Variants in HMGXB3 observed in about 807,000 individuals in gnomAD.
HMGXB3 encodes HMG-box containing 3, also known as HMG domain-containing protein 3.
A neutral mutation model predicts 121.5 loss-of-function variants in HMGXB3; 45 were observed. The ratio of observed to expected loss-of-function variants is 0.37; its 90% CI spans 0.29 to 0.47. HMGXB3 has a LOEUF of 0.47. Among genes scored for constraint, HMGXB3 ranks in the 20% least tolerant of loss-of-function variants. The probability of loss-of-function intolerance (pLI) is 0.99; values close to 1 mark genes in which losing one functional copy is unlikely to be tolerated. For missense variants in HMGXB3, 1,376 were observed against 1,602.2 expected (o/e 0.86, Z 2.41); for synonymous variants, 590 against 624.1 (o/e 0.95, Z 0.81).
intron 6 of HMGXB3, among the ~76,000 whole-genome samples, chr5:150,019,949 A>G (rs1561860760): frequency 6.6e-6 from 1 of 152,164 alleles, no homozygotes; most frequent in South Asian, 2.1e-4. Context: ...TAAGAACACA[A>G]TTCTGGAGTT....
chr5:150,009,971 G>T, intron 3 of HMGXB3, 140 bp from the exon 4 acceptor site: 1 of 894,060 alleles, frequency 1.1e-6, no homozygotes, highest in Non-Finnish European at 1.7e-6. Context: ...TCTGAATTAG[G>T]TCAAGAGAGT....
rs868155928 is a variant in HMGXB3, at chr5:150,037,050, T to C, written c.2285+113T>C. 4.9e-5 allele frequency: 48 copies of C among 973,640 alleles called. No homozygotes were observed. In the African/African-American group the frequency reaches 7.6e-4, roughly 15 times the overall value. 60.3% of individuals were successfully genotyped at this position (973,640 alleles called of 1,614,324 possible). A position where few individuals can be genotyped will look rare whatever the true frequency, so the allele number is the denominator to read the frequency against. On this transcript the variant is annotated intron_variant, in intron 12 of 19. Coordinates refer to ENST00000502717, the MANE Select transcript of HMGXB3 (RefSeq NM_014983.3). The stretch of plus-strand genomic sequence containing the variant: ...GTGAAGATGTTATTCTCTGCCGTTT[T>C]TAGGCTTCCTTTAACTTTCTGATTG...
intron 5 of HMGXB3, among the ~76,000 whole-genome samples, chr5:150,012,815 G>A (rs1581248723): frequency 6.6e-6 from 1 of 152,262 alleles, no homozygotes; most frequent in Middle Eastern, 3.4e-3. Context: ...TTTCAGCATC[G>A]GGGCTGAGAT....
rs1303337156 is a variant in HMGXB3 at position 150,030,867 on chromosome 5, T to C, written c.1833+28T>C. 4.6e-6 allele frequency: 7 copies of C among 1,508,308 alleles called. No homozygotes were observed. In the East Asian group the frequency reaches 1.7e-4, roughly 37 times the overall value. The allele number at this position is 1,508,308 out of a possible 1,614,324, so 93.4% of individuals were successfully genotyped here. ...AAGTATGCAGCTAGGTGGTGGTGGGTTGACATGGAGGTTGTTTTGATTTTG... is the reference window on the plus strand; with the variant it reads ...AAGTATGCAGCTAGGTGGTGGTGGGCTGACATGGAGGTTGTTTTGATTTTG... On this transcript the variant is annotated intron_variant, in intron 10 of 19. Transcript: ENST00000502717.
chr5:150,048,686 G>A lies in HMGXB3; in HGVS notation c.3201+1G>A. 2 of 1,534,974 alleles carry A rather than the reference G, an allele frequency of 1.3e-6. No homozygotes were observed. Among genetic ancestry groups the A allele is most frequent in the South Asian group, 1.2e-5 (1 of 83,718 alleles). ...AATCTACAAGGTGTGCCCCCATCAG[G>A]TAAGAAAATAACTAGGGGGAGCTTG... On this transcript the variant is annotated splice_donor_variant, in intron 18 of 19. Coordinates refer to ENST00000502717, the MANE Select transcript of HMGXB3 (RefSeq NM_014983.3). LOFTEE classifies it high-confidence loss of function.
intron 9 of HMGXB3, 31 bp from the exon 10 acceptor site, chr5:150,030,710 A>C: frequency 6.6e-7 from 1 of 1,510,700 alleles, no homozygotes; most frequent in Non-Finnish European, 9.0e-7. Context: ...CTAAGGTTCA[A>C]AAGCACTAAA....
chr5:150,042,793 A>G (rs978823966), intron 15 of HMGXB3, among the ~76,000 whole-genome samples: 1 of 152,254 alleles, frequency 6.6e-6, no homozygotes, highest in Non-Finnish European at 1.5e-5. Flanking sequence ...CAATAATAAC[A>G]TCAAACTCAG....
intron 3 of HMGXB3, among the ~76,000 whole-genome samples, chr5:150,009,473 C>G (rs192509045): frequency 6.6e-6 from 1 of 152,164 alleles, no homozygotes; most frequent in Non-Finnish European, 1.5e-5. Context: ...ATAACCCCTT[C>G]TATATATACT....
At chr5:150,013,244 T>G (rs2113730402) in intron 5 of HMGXB3, among the ~76,000 whole-genome samples, 1 of 152,352 alleles carries the variant, frequency 6.6e-6, no homozygotes, top group South Asian at 2.1e-4. Context: ...TTATCATGTT[T>G]AGGTAGTTCC....
In HMGXB3 at chr5:150,018,647, C is replaced by T. The variant is rs1220813036; in HGVS notation, c.991C>T (p.Pro331Ser). 2 of 1,551,062 alleles carry T rather than the reference C, an allele frequency of 1.3e-6. No homozygotes were observed. Among genetic ancestry groups the T allele is most frequent in the African/African-American group, 1.4e-5 (1 of 73,036 alleles). Residue 331 changes from proline (P) to serine (S), a missense_variant, in exon 6 of 20, where the codon CCT becomes TCT. Physicochemically the swap from Pro to Ser is moderately conservative, Grantham distance 74. Around this residue, in one of 2 missense-constraint regions of HMGXB3, gnomAD observed 1,116 missense variants for 1,369.0 expected, o/e 0.82. Coordinates refer to ENST00000502717, the MANE Select transcript of HMGXB3 (RefSeq NM_014983.3). ...TACATATGTCACCAGGCACAAGCCA[C>T]CTAAGTGCCCTACCTGTGGTAACTT... ...SFTYVTRHKP[P>S]KCPTCGNFLG...
At chr5:150,029,994 T>C (rs537045317) in intron 9 of HMGXB3, among the ~76,000 whole-genome samples, 32 of 152,330 alleles carry the variant, frequency 2.1e-4, no homozygotes, top group African/African-American at 7.5e-4. Context: ...ATAGTTTCCT[T>C]TTGATTGGTG....
chr5:150,032,711 C>A, intron 11 of HMGXB3, 108 bp downstream of exon 11: 1 of 1,297,612 alleles, frequency 7.7e-7, no homozygotes, highest in African/African-American at 1.5e-5. Flanking sequence ...GTAGTTAGAG[C>A]ATCCAAACTG....
At chr5:150,032,248 G>T (rs567168011) in intron 10 of HMGXB3, among the ~76,000 whole-genome samples, 2 of 152,342 alleles carry the variant, frequency 1.3e-5, no homozygotes, top group East Asian at 3.9e-4. Flanking sequence ...GGAAGGACTG[G>T]ACTGGATTTG....
chr5:150,006,671 A>G lies in HMGXB3; in HGVS notation c.312+24A>G, dbSNP rs761759019. 69 of 1,547,750 alleles carry G rather than the reference A, an allele frequency of 4.5e-5. No individual in the cohort carries two copies. The African/African-American group carries it at 5.2e-4, about 12-fold the overall frequency. On this transcript the variant is annotated intron_variant, in intron 3 of 19. Coordinates refer to ENST00000502717, the MANE Select transcript of HMGXB3 (RefSeq NM_014983.3). ...CTGTAAGTAATTTTTTTTTCCAGCT[A>G]TTTTTTCCACTGGTTCAGTGATGAA...
chr5:150,018,770 G>T, intron 6 of HMGXB3, 73 bp downstream of exon 6: 1 of 1,391,034 alleles, frequency 7.2e-7, no homozygotes, highest in East Asian at 2.6e-5. Context: ...AGGAACAGGT[G>T]ATTTTTAAAA....
At chr5:150,048,126 G>A (rs904734107) in intron 17 of HMGXB3, among the ~76,000 whole-genome samples, 1 of 152,242 alleles carries the variant, frequency 6.6e-6, no homozygotes. Flanking sequence ...TTTACACAGT[G>A]TCTGGTTACT....
intron 5 of HMGXB3, among the ~76,000 whole-genome samples, chr5:150,016,068 G>A (rs930377644): frequency 2.6e-5 from 4 of 152,108 alleles, no homozygotes; most frequent in Admixed American, 2.6e-4. Context: ...CATCTGGCCG[G>A]GCACGGTGAT....
intron 13 of HMGXB3, among the ~76,000 whole-genome samples, chr5:150,039,853 A>T (rs1252069080): frequency 6.6e-6 from 1 of 152,226 alleles, no homozygotes; most frequent in Non-Finnish European, 1.5e-5. Context: ...CTTCACTGGG[A>T]ACACATACTC....
chr5:150,037,908 T>C (rs1408695129), intron 13 of HMGXB3, among the ~76,000 whole-genome samples: 1 of 152,276 alleles, frequency 6.6e-6, no homozygotes, highest in Non-Finnish European at 1.5e-5. Context: ...TATAGGTTTA[T>C]AGTCTTTCTT....
Sources: gnomAD v4.1 joint callset for allele counts (sites outside exome capture counted in the v4.1 genomes callset) on GRCh38, gnomAD v4.1.1 for gene constraint, gnomAD v4.1.1 regional missense constraint, MANE v1.5 for transcripts, NCBI Gene and HGNC (gene_info 2026-07-23, HGNC 2026-07-21) for gene names.